The following TOM1L1 variants were observed in gnomAD, a reference collection of about 807,000 sequenced individuals.
The protein encoded by TOM1L1 is TOM1-like protein 1.
TOM1L1 carries 64 observed loss-of-function variants against 63.4 expected under a neutral mutation model. The observed-to-expected ratio is 1.01, with a 90% confidence interval of 0.83 to 1.24. The LOEUF is 1.24. Among genes scored for constraint, TOM1L1 ranks in the 50% most tolerant of loss-of-function variants. TOM1L1 has a pLI of 0.00. For synonymous variants in TOM1L1, 166 were observed against 194.4 expected (o/e 0.85, Z 1.22); for missense variants, 536 against 567.0 (o/e 0.95, Z 0.55).
chr17:54,915,923 T>A, intron 7 of TOM1L1, 61 bp downstream of exon 7: 10 of 1,335,780 alleles, frequency 7.5e-6, no homozygotes, highest in Non-Finnish European at 1.1e-5. Context: ...CTCTAAACTT[T>A]GAGTTTGGAG....
At chr17:54,960,746 T>TA (rs2077100483) in intron 15 of TOM1L1, 119 bp downstream of exon 15, 2 of 726,970 alleles carry the variant, frequency 2.8e-6, no homozygotes, top group Non-Finnish European at 4.8e-6. Context: ...CACTTTGAAA[T>TA]ATGAGTTCCC....
Position 54,950,083 on chromosome 17 carries a change from G to A in TOM1L1, c.1327G>A (p.Glu443Lys), listed in dbSNP as rs368958913. The change falls in exon 14 of 16, where the codon GAG becomes AAG. Residue 443 changes from glutamate to lysine, a missense_variant. Coordinates refer to ENST00000575882, the MANE Select transcript of TOM1L1 (RefSeq NM_005486.3). ...KSDLQPPNYYEVMEFDPLAPA... is the reference protein window; with the variant it reads ...KSDLQPPNYYKVMEFDPLAPA... ...TGATCTCCAGCCACCTAATTACTACGAGGTAATGGAGTTTGATCCCTTAGC... is the reference window on the plus strand; with the variant it reads ...TGATCTCCAGCCACCTAATTACTACAAGGTAATGGAGTTTGATCCCTTAGC... 3.1e-5 allele frequency: 50 copies of A among 1,613,910 alleles called. No individual in the cohort carries two copies. Among genetic ancestry groups the A allele is most frequent in the Admixed American group, 3.0e-4 (18 of 60,008 alleles).
chr17:54,933,748 C>G (rs1906960131), intron 8 of TOM1L1, among the ~76,000 whole-genome samples: 1 of 152,166 alleles, frequency 6.6e-6, no homozygotes, highest in Non-Finnish European at 1.5e-5. Flanking sequence ...GTCTCGATCT[C>G]TTGACCTCGT....
intron 10 of TOM1L1, 155 bp from the exon 11 acceptor site, chr17:54,938,769 G>T (rs12937760): frequency 0.23 from 116,134 of 503,514 alleles, 15,352 homozygotes; most frequent in Non-Finnish European, 0.27. Context: ...TGATTTTAGG[G>T]TGACAGAAAT....
At position 54,915,757 on chromosome 17, in the gene TOM1L1, G is replaced by A; in HGVS notation, c.615G>A (p.Leu205=). The change falls in exon 7 of 16, where the codon CTG becomes CTA. Residue 205 remains leucine, a synonymous_variant. Coordinates refer to ENST00000575882, the MANE Select transcript of TOM1L1 (RefSeq NM_005486.3). ...GTTGCTCTCTACAGATTGGAAAACT[G>A]CACAGTGAATTGGATATGGTGAAAA... ...VTLVPEQIGK[L]HSELDMVKMN... 1 of 1,608,036 alleles carries A rather than the reference G, an allele frequency of 6.2e-7. No homozygotes were observed. Among genetic ancestry groups the A allele is most frequent in the Non-Finnish European group, 8.5e-7 (1 of 1,177,354 alleles).
chr17:54,953,601 T>C (rs1278053823), intron 14 of TOM1L1: 1 of 152,274 alleles, frequency 6.6e-6, no homozygotes, highest in Non-Finnish European at 1.5e-5. Flanking sequence ...AGTAAGCATA[T>C]TGTTTGGGCC....
intron 12 of TOM1L1, among the ~76,000 whole-genome samples, chr17:54,948,098 CT>C: frequency 6.6e-6 from 1 of 152,144 alleles, no homozygotes; most frequent in South Asian, 2.1e-4. Flanking sequence ...TTGCCTTTTA[CT>C]TTTAAAATAT....
At position 54,950,060 on chromosome 17, in the gene TOM1L1, A is replaced by G. The variant is rs1235513046; in HGVS notation, c.1304A>G (p.Asp435Gly). Residue 435 changes from aspartate to glycine, a missense_variant, in exon 14 of 16, where the codon GAT (aspartate) becomes GGT (glycine). Physicochemically the swap from Asp to Gly is moderately conservative, Grantham distance 94 (BLOSUM62 -1). Coordinates refer to ENST00000575882, the MANE Select transcript of TOM1L1 (RefSeq NM_005486.3). ...TTGCCCAAAGCGATGACAAAAAGTG[A>G]TCTCCAGCCACCTAATTACTACGAG... ...PSNHPAMTKSDLQPPNYYEVM... is the reference protein window; with the variant it reads ...PSNHPAMTKSGLQPPNYYEVM... 6.2e-7 allele frequency: 1 copy of G among 1,613,934 alleles called. No individual in the cohort carries two copies. Among genetic ancestry groups the G allele is most frequent in the South Asian group, 1.1e-5 (1 of 91,032 alleles).
chr17:54,940,988 A>G (rs1484214028), intron 11 of TOM1L1, among the ~76,000 whole-genome samples: 2 of 152,144 alleles, frequency 1.3e-5, no homozygotes, highest in Non-Finnish European at 2.9e-5. Context: ...GTATAAGACA[A>G]TTCTTGTTTT....
chr17:54,940,830 G>A (rs768339243), intron 11 of TOM1L1, among the ~76,000 whole-genome samples: 4 of 152,098 alleles, frequency 2.6e-5, no homozygotes, highest in Admixed American at 6.5e-5. Context: ...GAGTGGTTAC[G>A]TAAGTTCCAG....
chr17:54,904,518 A>G (rs2048379956), intron 2 of TOM1L1, among the ~76,000 whole-genome samples: 1 of 152,184 alleles, frequency 6.6e-6, no homozygotes, highest in South Asian at 2.1e-4. Context: ...CTGAGCAATT[A>G]TTTCTAGTAA....
At chr17:54,939,909 G>A (rs1225580092) in intron 11 of TOM1L1, among the ~76,000 whole-genome samples, 2 of 152,126 alleles carry the variant, frequency 1.3e-5, no homozygotes, top group Non-Finnish European at 2.9e-5. Flanking sequence ...CTCTATTGAA[G>A]GAACTAGAAC....
rs2077128933 is a variant in TOM1L1 at position 54,961,690 on chromosome 17, A to G, written c.*457A>G. ...CTTCATTTAACTAAAGTTGAATGTA[A>G]AAGTCAATTTGCACTTCTTTATAAT... On this transcript the variant is annotated 3_prime_UTR_variant, in exon 16 of 16. Transcript: ENST00000575882. The G allele has an allele frequency of 9.5e-7, 1 of 1,048,038 alleles. No homozygotes were observed. Among genetic ancestry groups the G allele is most frequent in the African/African-American group, 1.7e-5 (1 of 58,290 alleles). 64.9% of individuals were successfully genotyped at this position (1,048,038 alleles called of 1,614,324 possible).
chr17:54,929,151 C>G (rs142284148), intron 7 of TOM1L1, among the ~76,000 whole-genome samples: 111 of 152,188 alleles, frequency 7.3e-4, no homozygotes, highest in African/African-American at 2.6e-3. Context: ...AGACAAAACT[C>G]TAGCCAAGGT....
At chr17:54,960,897 T>C (rs1186086999) in intron 15 of TOM1L1, among the ~76,000 whole-genome samples, 2 of 152,194 alleles carry the variant, frequency 1.3e-5, no homozygotes, top group Non-Finnish European at 1.5e-5. Flanking sequence ...AGATGAGCAA[T>C]AGGAGTAGCA....
In TOM1L1 at chr17:54,901,219, C is replaced by T. The variant is rs541334399; in HGVS notation, c.58+296C>T. The T allele has an allele frequency of 1.1e-4, 50 of 454,736 alleles. No homozygotes were observed. In the East Asian group the frequency reaches 1.7e-3, roughly 15 times the overall value. The allele number at this position is 454,736 out of a possible 1,614,324, so 28.2% of individuals were successfully genotyped here. ...AGTCAGGCATGGAGTGTTTGGGCCT[C>T]CACGAGGAGACACCAGAAACTTCTC... On this transcript the variant is annotated intron_variant, in intron 1 of 15. Transcript: ENST00000575882.
chr17:54,912,760 A>G lies in TOM1L1; in HGVS notation c.317A>G (p.Asn106Ser). Residue 106 changes from asparagine to serine, a missense_variant, in exon 4 of 16, where the codon AAT becomes AGT. Transcript: ENST00000575882. ...FVKENLVKLLNPRYNLPLDIQ... is the reference protein window; with the variant it reads ...FVKENLVKLLSPRYNLPLDIQ... ...AAAGAGAATTTAGTTAAGCTACTGA[A>G]TCCCAGATACAACTTGCCATTAGAC... is the stretch of plus-strand genomic sequence containing the variant. The G allele has an allele frequency of 6.2e-7, 1 of 1,611,586 alleles. No individual in the cohort carries two copies. The highest frequency in any genetic ancestry group is 8.5e-7 in the Non-Finnish European group (1 of 1,179,306).
Position 54,947,286 on chromosome 17 carries a change from C to T in TOM1L1, c.1156C>T (p.Leu386Phe). The T allele has an allele frequency of 6.2e-7, 1 of 1,614,160 alleles. No homozygotes were observed. The highest frequency in any genetic ancestry group is 8.5e-7 in the Non-Finnish European group (1 of 1,180,030). The change falls in exon 12 of 16, where the codon CTC becomes TTC. Residue 386 changes from leucine to phenylalanine, a missense_variant. Coordinates refer to ENST00000575882, the MANE Select transcript of TOM1L1 (RefSeq NM_005486.3). ...GTTTGCCCAAAGGACCAGCCAAAAC[C>T]TCACCTCAAGCCACGCATATGATAA... ...PPFAQRTSQN[L>F]TSSHAYDNFL...
At chr17:54,929,703 C>T (rs2048824575) in intron 7 of TOM1L1, among the ~76,000 whole-genome samples, 1 of 149,176 alleles carries the variant, frequency 6.7e-6, no homozygotes, top group Non-Finnish European at 1.5e-5. Context: ...GTATAATTTT[C>T]ATTTATCAAT....
Sources: allele counts gnomAD v4.1 joint callset (sites outside exome capture counted in the v4.1 genomes callset), GRCh38; gene constraint gnomAD v4.1.1; transcripts MANE v1.5; gene names NCBI Gene and HGNC (gene_info 2026-07-23, HGNC 2026-07-21).